PDZRN4: variants seen among roughly 807,000 people sequenced by gnomAD.
The protein encoded by PDZRN4 is PDZ domain-containing RING finger protein 4.
A neutral mutation model predicts 99.0 loss-of-function variants in PDZRN4; 70 were observed. The ratio of observed to expected loss-of-function variants is 0.71; its 90% CI spans 0.58 to 0.86. The LOEUF (loss-of-function observed/expected upper bound fraction) is 0.86, where lower values mean the gene tolerates loss of function less well. PDZRN4 is among the 40% of genes least tolerant of loss of function. PDZRN4 has a pLI of 0.00. For synonymous variants in PDZRN4, 551 were observed against 501.6 expected (o/e 1.10, Z -1.32); for missense variants, 1,474 against 1,331.2 (o/e 1.11, Z -1.67).
At chr12:41,365,354 C>T (rs1951991460) in intron 3 of PDZRN4, among the ~76,000 whole-genome samples, 1 of 151,922 alleles carries the variant, frequency 6.6e-6, no homozygotes, top group African/African-American at 2.4e-5. Context: ...ATTGGTTCAG[C>T]TATTATAATG....
intron 5 of PDZRN4, among the ~76,000 whole-genome samples, chr12:41,548,217 G>A (rs964030710): frequency 6.6e-6 from 1 of 152,170 alleles, no homozygotes; most frequent in Non-Finnish European, 1.5e-5. Flanking sequence ...TTTTCACTAA[G>A]TATTATCCCC....
At chr12:41,467,053 A>G (rs534982632) in intron 3 of PDZRN4, among the ~76,000 whole-genome samples, 5 of 152,348 alleles carry the variant, frequency 3.3e-5, no homozygotes, top group East Asian at 1.9e-4. Context: ...AACACAATGA[A>G]TAACTAACAA....
intron 3 of PDZRN4, among the ~76,000 whole-genome samples, chr12:41,429,407 C>G (rs1296067067): frequency 1.3e-5 from 2 of 152,198 alleles, no homozygotes; most frequent in Non-Finnish European, 2.9e-5. Flanking sequence ...TTTATTCAAT[C>G]TGTTTTATGT....
At chr12:41,433,626 G>A (rs186014589) in intron 3 of PDZRN4, among the ~76,000 whole-genome samples, 167 of 152,290 alleles carry the variant, frequency 1.1e-3, no homozygotes, top group African/African-American at 3.2e-3. Flanking sequence ...GCGGAGTTAC[G>A]TACGGAACTT....
At chr12:41,477,792 C>A in intron 3 of PDZRN4, 1 of 840,168 alleles carries the variant, frequency 1.2e-6, no homozygotes, top group Non-Finnish European at 2.0e-6. Flanking sequence ...AGCCCACAGG[C>A]GCCTTTACCA....
chr12:41,527,088 A>G (rs1592097695), intron 5 of PDZRN4, among the ~76,000 whole-genome samples: 1 of 152,224 alleles, frequency 6.6e-6, no homozygotes, highest in East Asian at 1.9e-4. Context: ...ACAATAATAA[A>G]ATACAGATGT....
chr12:41,397,982 C>T (rs1423884616), intron 3 of PDZRN4, among the ~76,000 whole-genome samples: 1 of 152,024 alleles, frequency 6.6e-6, no homozygotes, highest in Admixed American at 6.6e-5. Context: ...CAAATCTGAA[C>T]TTTGCTGCCT....
In PDZRN4 at chr12:41,288,594, AAATGGCTTCACCCTGACTCTT is replaced by A. The variant is rs561668267; in HGVS notation, c.843+94408_843+94428del. Among the ~76,000 whole-genome samples the A allele has an allele frequency of 2.3e-3, 303 of 129,188 alleles. 1 individual carries two copies. Among genetic ancestry groups the A allele is most frequent in the Non-Finnish European group, 2.9e-3 (174 of 60,678 alleles). 84.8% of individuals were successfully genotyped at this position (129,188 alleles called of 152,430 possible). A position where few individuals can be genotyped will look rare whatever the true frequency, so the allele number is the denominator to read the frequency against. Reference sequence around the variant, plus strand: ...TTCTGTAATACTGTGAAACTGCTCGAAATGGCTTCACCCTGACTCTTAGTTATCTTTGCATGGATGAGAAAT... The same window carrying A: ...TTCTGTAATACTGTGAAACTGCTCGAAGTTATCTTTGCATGGATGAGAAAT... On this transcript the variant is annotated intron_variant, in intron 3 of 9. Coordinates refer to ENST00000402685, the MANE Select transcript of PDZRN4 (RefSeq NM_001164595.2).
intron 3 of PDZRN4, among the ~76,000 whole-genome samples, chr12:41,312,838 T>G (rs777691894): frequency 6.6e-6 from 1 of 152,028 alleles, no homozygotes; most frequent in Non-Finnish European, 1.5e-5. Flanking sequence ...CTTCTTTTCT[T>G]CTTTCTCTAT....
intron 3 of PDZRN4, among the ~76,000 whole-genome samples, chr12:41,493,800 G>A (rs1937936116): frequency 1.3e-5 from 2 of 151,392 alleles, no homozygotes; most frequent in African/African-American, 4.8e-5. Context: ...TTGTAAGGCA[G>A]CAACAGCTTT....
At position 41,572,570 on chromosome 12, in the gene PDZRN4, T is replaced by A; in HGVS notation, c.1791T>A (p.Ser597Arg). 6.2e-7 allele frequency: 1 copy of A among 1,614,106 alleles called. No individual in the cohort carries two copies. The highest frequency in any genetic ancestry group is 8.5e-7 in the Non-Finnish European group (1 of 1,180,004). ...GGCAGAGCCAAGACACTCTGGGAAG[T>A]GTTGAACTTCAGTACAATGAGAGCC... is the stretch of plus-strand genomic sequence containing the variant. ...DLGQSQDTLG[S>R]VELQYNESLV... is the part of the protein sequence containing the mutation. The change falls in exon 10 of 10, where the codon AGT (serine) becomes AGA (arginine). Residue 597 changes from serine (S) to arginine (R), a missense_variant. Coordinates refer to ENST00000402685, the MANE Select transcript of PDZRN4 (RefSeq NM_001164595.2).
intron 3 of PDZRN4, among the ~76,000 whole-genome samples, chr12:41,212,906 G>C (rs952759661): frequency 2.0e-5 from 3 of 151,988 alleles, no homozygotes; most frequent in African/African-American, 7.2e-5. Context: ...AAAAGGCTTA[G>C]TGTATTATAG....
chr12:41,395,114 T>C (rs1235257800), intron 3 of PDZRN4, among the ~76,000 whole-genome samples: 1 of 152,180 alleles, frequency 6.6e-6, no homozygotes, highest in East Asian at 1.9e-4. Flanking sequence ...CATTTCATTA[T>C]AGTATCAACT....
chr12:41,458,372 G>A (rs1227697247), intron 3 of PDZRN4, among the ~76,000 whole-genome samples: 3 of 152,152 alleles, frequency 2.0e-5, no homozygotes, highest in African/African-American at 7.2e-5. Flanking sequence ...GGCCAGGCTG[G>A]TCTTGAACTA....
At chr12:41,202,795 G>T (rs1002803634) in intron 3 of PDZRN4, among the ~76,000 whole-genome samples, 2 of 152,006 alleles carry the variant, frequency 1.3e-5, no homozygotes, top group African/African-American at 4.8e-5. Flanking sequence ...CATTAGATGA[G>T]CAATTGACTA....
chr12:41,411,581 G>A (rs1364050459), intron 3 of PDZRN4: 1 of 152,158 alleles, frequency 6.6e-6, no homozygotes, highest in Non-Finnish European at 1.5e-5. Context: ...ATTGCATCCT[G>A]AGTTTGACTT....
chr12:41,494,177 G>T (rs1937947198), intron 3 of PDZRN4, among the ~76,000 whole-genome samples: 1 of 151,914 alleles, frequency 6.6e-6, no homozygotes, highest in African/African-American at 2.4e-5. Context: ...ACTACTTACT[G>T]TATTTACTAA....
At position 41,307,619 on chromosome 12, in the gene PDZRN4, T is replaced by G. The variant is rs1006633019; in HGVS notation, c.843+113431T>G. On this transcript the variant is annotated intron_variant, in intron 3 of 9. Coordinates refer to ENST00000402685, the MANE Select transcript of PDZRN4 (RefSeq NM_001164595.2). ...AACTTTGGAGAGCCAGATTTTTTTT[T>G]TTTTTTTGGTAAACATTTATTTGTA... Among the ~76,000 whole-genome samples the G allele has an allele frequency of 2.3e-3, 353 of 152,212 alleles. 1 individual carries two copies. Among genetic ancestry groups the G allele is most frequent in the Non-Finnish European group, 3.6e-3 (247 of 68,006 alleles).
At position 41,573,658 on chromosome 12, in the gene PDZRN4, G is replaced by A. The variant is rs748727154; in HGVS notation, c.2879G>A (p.Arg960His). 5 of 1,614,016 alleles carry A rather than the reference G, an allele frequency of 3.1e-6. No individual in the cohort carries two copies. Among genetic ancestry groups the A allele is most frequent in the South Asian group, 1.1e-5 (1 of 91,074 alleles). The change falls in exon 10 of 10, where the codon CGT (arginine) becomes CAT (histidine). Residue 960 changes from arginine (R) to histidine (H), a missense_variant. Transcript: ENST00000402685. The part of the protein sequence containing the change: ...LVRAKEQRRR[R>H]EFMMRSRLEC... ...AGGGCCAAAGAGCAGCGCCGTCGCCGTGAGTTCATGATGCGAAGCAGGTTA... is the reference window on the plus strand; with the variant it reads ...AGGGCCAAAGAGCAGCGCCGTCGCCATGAGTTCATGATGCGAAGCAGGTTA...
Sources: allele counts gnomAD v4.1 joint callset (sites outside exome capture counted in the v4.1 genomes callset), GRCh38; gene constraint gnomAD v4.1.1; transcripts MANE v1.5; gene names NCBI Gene and HGNC (gene_info 2026-07-23, HGNC 2026-07-21).